The following AOX1 variants were observed in gnomAD, a reference collection of about 807,000 sequenced individuals.
AOX1 encodes the protein aldehyde oxidase.
Under a neutral mutation model 169.5 loss-of-function variants are expected in AOX1, and 153 were observed. The ratio of observed to expected loss-of-function variants is 0.90; its 90% CI spans 0.79 to 1.03. The LOEUF is 1.03. Ranked by LOEUF, AOX1 falls within the 50% of genes least tolerant of loss-of-function variation. The probability of loss-of-function intolerance (pLI) is 0.00; values close to 1 mark genes in which losing one functional copy is unlikely to be tolerated. For missense variants in AOX1, 1,656 were observed against 1,663.9 expected (o/e 1.00, Z 0.08); for synonymous variants, 562 against 581.9 (o/e 0.97, Z 0.49).
rs999003487 is a variant in AOX1 at position 200,599,766 on chromosome 2, T to C, written c.436+20T>C. ...TTGGTGGTAGGTTATATATGCATGC[T>C]TTTATTTTTTAATTTTTATTTATTT... On this transcript the variant is annotated intron_variant, in intron 5 of 34. Transcript: ENST00000374700. The C allele has an allele frequency of 6.9e-7, 1 of 1,452,534 alleles. No individual in the cohort carries two copies. The highest frequency in any genetic ancestry group is 1.6e-5 in the South Asian group (1 of 64,078). 90.0% of individuals were successfully genotyped at this position (1,452,534 alleles called of 1,614,324 possible).
chr2:200,587,064 C>T (rs1399144003), intron 1 of AOX1, among the ~76,000 whole-genome samples: 2 of 151,376 alleles, frequency 1.3e-5, no homozygotes, highest in East Asian at 1.9e-4. Flanking sequence ...CCCAGGAGTT[C>T]GAGTTTAGCC....
chr2:200,635,045 A>G (rs965538380), intron 21 of AOX1, 130 bp downstream of exon 21: 4 of 1,084,438 alleles, frequency 3.7e-6, no homozygotes, highest in Non-Finnish European at 5.3e-6. Context: ...CCAGGAGCTC[A>G]AGGCTTCAGT....
At chr2:200,599,826 C>A in intron 5 of AOX1, 80 bp downstream of exon 5, 1 of 1,208,468 alleles carries the variant, frequency 8.3e-7, no homozygotes, top group Non-Finnish European at 1.1e-6. Flanking sequence ...ACTCTGTTGC[C>A]CGGGCTGGAG....
chr2:200,593,030 T>G (rs2034207232), intron 1 of AOX1, 116 bp from the exon 2 acceptor site: 1 of 776,584 alleles, frequency 1.3e-6, no homozygotes, highest in Non-Finnish European at 2.2e-6. Flanking sequence ...GAAATCTACT[T>G]GAAAATATGA....
rs1042813211 is a variant in AOX1 at position 200,614,846 on chromosome 2, C to G, written c.1611+880C>G. Among the ~76,000 whole-genome samples the G allele has an allele frequency of 2.0e-5, 3 of 152,126 alleles. No homozygotes were observed. The East Asian group carries it at 5.8e-4, about 29-fold the overall frequency. On this transcript the variant is annotated intron_variant, in intron 15 of 34. Transcript: ENST00000374700. Reference sequence around the variant, plus strand: ...ATTATTAAGAATGAAAATTTGAAATCATAGATAAGTGACATATTGTCACCA... The same window carrying G: ...ATTATTAAGAATGAAAATTTGAAATGATAGATAAGTGACATATTGTCACCA...
chr2:200,599,810 A>G, intron 5 of AOX1, 64 bp downstream of exon 5: 1 of 1,261,412 alleles, frequency 7.9e-7, no homozygotes, highest in Non-Finnish European at 1.0e-6. Context: ...TTTGAGACGG[A>G]ATCTCACTCT....
chr2:200,616,446 A>G (rs908233073), intron 16 of AOX1, among the ~76,000 whole-genome samples: 2 of 152,236 alleles, frequency 1.3e-5, no homozygotes, highest in Non-Finnish European at 2.9e-5. Context: ...TCATTTTCAG[A>G]GGAAAAGACA....
chr2:200,611,885 A>G (rs1467142472), intron 13 of AOX1, among the ~76,000 whole-genome samples: 1 of 151,822 alleles, frequency 6.6e-6, no homozygotes, highest in Non-Finnish European at 1.5e-5. Context: ...TTGCATTTTT[A>G]GTAGAGACGG....
downstream of AOX1, among the ~76,000 whole-genome samples, chr2:200,681,016 A>G (rs2036148264): frequency 6.6e-6 from 1 of 152,214 alleles, no homozygotes. Flanking sequence ...AAGTCCCTCC[A>G]ATTTAACTTC....
chr2:200,601,223 C>T (rs189576287), intron 5 of AOX1, among the ~76,000 whole-genome samples: 74 of 152,070 alleles, frequency 4.9e-4, no homozygotes, highest in African/African-American at 1.7e-3. Flanking sequence ...AGAACAAATA[C>T]TACATGAGCC....
chr2:200,672,187 A>G (rs942392550), downstream of AOX1, among the ~76,000 whole-genome samples: 29 of 152,222 alleles, frequency 1.9e-4, no homozygotes, highest in Non-Finnish European at 1.6e-4. Context: ...TCGGGGTGAG[A>G]AAAATGTTCT....
rs757710099 is a variant in AOX1 at position 200,605,634 on chromosome 2, T to C, written c.907+6T>C. The C allele has an allele frequency of 7.1e-7, 1 of 1,413,370 alleles. No individual in the cohort carries two copies. The highest frequency in any genetic ancestry group is 1.5e-5 in the South Asian group (1 of 66,954). The allele number at this position is 1,413,370 out of a possible 1,614,324, so 87.6% of individuals were successfully genotyped here. ...TGTAAACCATGCATATAATGGTGAGTTCTCAAGTCCCTGTTTTCTTAGTTA... is the reference window on the plus strand; with the variant it reads ...TGTAAACCATGCATATAATGGTGAGCTCTCAAGTCCCTGTTTTCTTAGTTA... On this transcript the variant is annotated splice_donor_region_variant and intron_variant, in intron 10 of 34. Transcript: ENST00000374700.
intron 1 of AOX1, among the ~76,000 whole-genome samples, chr2:200,590,963 G>A (rs1014202748): frequency 6.6e-6 from 1 of 152,166 alleles, no homozygotes; most frequent in African/African-American, 2.4e-5. Flanking sequence ...CAAGTAGCGG[G>A]AAGGAAGGAA....
intron 10 of AOX1, among the ~76,000 whole-genome samples, chr2:200,607,362 T>A (rs1008716645): frequency 2.0e-5 from 3 of 152,152 alleles, no homozygotes; most frequent in Admixed American, 2.0e-4. Context: ...AGCTTTTCGA[T>A]GTGCTGCTCA....
Position 200,588,726 on chromosome 2 carries a change from C to CTTTTTTTTTTTTT in AOX1, c.45+2582_45+2594dup, listed in dbSNP as rs71807461. Among the ~76,000 whole-genome samples the CTTTTTTTTTTTTT allele has an allele frequency of 4.8e-4, 26 of 53,984 alleles. 2 individuals are homozygous for CTTTTTTTTTTTTT. The highest frequency in any genetic ancestry group is 8.4e-4 in the Admixed American group (4 of 4,764). 35.4% of individuals were successfully genotyped at this position (53,984 alleles called of 152,430 possible). ...CTTACATGGAAAGAACTAGAATAAG[C>CTTTTTTTTTTTTT]TTTTTTTTTTTTTTTTTTTTTGAGA... On this transcript the variant is annotated intron_variant, in intron 1 of 34. Transcript: ENST00000374700.
chr2:200,676,976 A>T (rs1462315460), exon 5 of AOX1: 1 of 469,034 alleles, frequency 2.1e-6, no homozygotes, highest in African/African-American at 2.0e-5. Flanking sequence ...GTCACATTCC[A>T]AGGCGTCAGA....
intron 22 of AOX1, 32 bp downstream of exon 22, chr2:200,637,076 G>A: frequency 6.2e-7 from 1 of 1,611,808 alleles, no homozygotes; most frequent in South Asian, 1.1e-5. Flanking sequence ...AAAATAAAGT[G>A]AAGTCACACT....
chr2:200,657,190 A>ATATTTTTTTTTTTTT, intron 27 of AOX1, among the ~76,000 whole-genome samples: 25 of 62,874 alleles, frequency 4.0e-4, no homozygotes, highest in African/African-American at 1.8e-3. Context: ...ATATATATAT[A>ATATTTTTTTTTTTTT]TTTTTTTTTT....
intron 30 of AOX1, 25 bp downstream of exon 30, chr2:200,661,656 C>T: frequency 6.4e-7 from 1 of 1,574,106 alleles, no homozygotes; most frequent in Non-Finnish European, 8.7e-7. Context: ...TGATCACATG[C>T]TATGGAGAAG....
Sources: gnomAD v4.1 joint callset for allele counts (sites outside exome capture counted in the v4.1 genomes callset) on GRCh38, gnomAD v4.1.1 for gene constraint, MANE v1.5 for transcripts, NCBI Gene and HGNC (gene_info 2026-07-23, HGNC 2026-07-21) for gene names.